Variants in CCDC3 observed in about 807,000 individuals in gnomAD.
CCDC3 encodes coiled-coil domain containing 3.
Under a neutral mutation model 21.4 loss-of-function variants are expected in CCDC3, and 24 were observed. The ratio of observed to expected loss-of-function variants is 1.12; its 90% CI spans 0.81 to 1.58. The LOEUF is 1.58. CCDC3 is among the 40% of genes most tolerant of loss of function. The pLI is 0.00. For missense variants in CCDC3, 425 were observed against 360.9 expected, an observed-to-expected ratio of 1.18 and a Z score of -1.44; for synonymous variants, 186 against 166.0, an observed-to-expected ratio of 1.12 and a Z score of -0.93.
intron 2 of CCDC3, among the ~76,000 whole-genome samples, chr10:12,979,568 C>T (rs1315984934): frequency 1.3e-5 from 2 of 151,940 alleles, no homozygotes; most frequent in Non-Finnish European, 2.9e-5. Flanking sequence ...GAGACAGGGT[C>T]TTGCTGTTGC....
chr10:12,986,407 A>G (rs971829148), intron 2 of CCDC3, among the ~76,000 whole-genome samples: 3 of 152,150 alleles, frequency 2.0e-5, no homozygotes, highest in Admixed American at 6.6e-5. Flanking sequence ...GGTGCCTGGG[A>G]CCCGTCTGTA....
chr10:13,012,198 G>A (rs1184638734), intron 5 of CCDC3, among the ~76,000 whole-genome samples: 1 of 152,144 alleles, frequency 6.6e-6, no homozygotes, highest in Non-Finnish European at 1.5e-5. Flanking sequence ...ATTGACAAAT[G>A]AGACCTAACT....
intron 5 of CCDC3, among the ~76,000 whole-genome samples, chr10:13,007,667 C>T (rs1432917509): frequency 2.0e-5 from 3 of 152,108 alleles, no homozygotes; most frequent in Non-Finnish European, 2.9e-5. Context: ...AATGGAGCTA[C>T]CCTCTCTTAA....
chr10:12,996,308 CTG>C (rs1835760936), intron 2 of CCDC3, among the ~76,000 whole-genome samples: 1 of 152,160 alleles, frequency 6.6e-6, no homozygotes, highest in African/African-American at 2.4e-5. Context: ...GTCTAGACTG[CTG>C]TCAGTAGGGC....
chr10:12,904,775 G>A (rs915305490), intron 2 of CCDC3, among the ~76,000 whole-genome samples: 4 of 152,132 alleles, frequency 2.6e-5, no homozygotes, highest in African/African-American at 9.7e-5. Context: ...GTATATCCAT[G>A]ATACCATCTA....
rs1834047054 is a variant in CCDC3 at position 12,898,622 on chromosome 10, G to A, written c.607C>T (p.Leu203=). 13 of 1,614,238 alleles carry A rather than the reference G, an allele frequency of 8.1e-6. No homozygotes were observed. The highest frequency in any genetic ancestry group is 1.3e-5 in the African/African-American group (1 of 75,076). ...TCCAGGGTGGCCACTTTCTGCTGCA[G>A]TTTCTTGACGTGGTCCTCCTCCTCA... ...LFEEEDHVKK[L]QQKVATLEKR... Residue 203 remains leucine (L), a synonymous_variant, in exon 3 of 3, where the codon CTG becomes TTG. Transcript: ENST00000378825.
Position 12,999,232 on chromosome 10 carries a change from C to T in CCDC3, c.375-720G>A, listed in dbSNP as rs866233185. Among the ~76,000 whole-genome samples, 38 of 152,112 alleles carry T rather than the reference C, an allele frequency of 2.5e-4. No homozygotes were observed. The Middle Eastern group carries it at 0.01, about 41-fold the overall frequency. ...TCCAGCCTGGGTGACAAGAGTGAGA[C>T]GCCATCTCAAAAAAAGAACATATAT... On this transcript the variant is annotated intron_variant, in intron 1 of 2. Coordinates refer to ENST00000378825, the MANE Select transcript of CCDC3 (RefSeq NM_031455.4).
chr10:12,916,244 C>T lies in CCDC3; in HGVS notation c.550-17565G>A, dbSNP rs184062066. Among the ~76,000 whole-genome samples the T allele has an allele frequency of 1.4e-3, 207 of 152,112 alleles. 2 individuals carry two copies. In the South Asian group the frequency reaches 0.033, roughly 24 times the overall value. On this transcript the variant is annotated intron_variant, in intron 2 of 2. Transcript: ENST00000378825. Reference sequence around the variant, plus strand: ...GGCAGGCGATTGAGACCAGCCTGGCCAACATGGTGAAACCCCGTCTCTACT... The same window carrying T: ...GGCAGGCGATTGAGACCAGCCTGGCTAACATGGTGAAACCCCGTCTCTACT...
chr10:13,049,708 G>T (rs1411538961), exon 5 of CCDC3: 1 of 152,196 alleles, frequency 6.6e-6, no homozygotes, highest in East Asian at 1.9e-4. Context: ...AAATGTGATG[G>T]AAATAGACTC....
At chr10:13,088,781 G>C (rs183401547) in intron 3 of CCDC3, among the ~76,000 whole-genome samples, 1 of 152,298 alleles carries the variant, frequency 6.6e-6, no homozygotes, top group South Asian at 2.1e-4. Flanking sequence ...CCAGCACTTC[G>C]GGAGGCCAAG....
At chr10:12,916,627 A>G (rs1254238055) in intron 2 of CCDC3, among the ~76,000 whole-genome samples, 2 of 151,846 alleles carry the variant, frequency 1.3e-5, no homozygotes, top group African/African-American at 2.4e-5. Flanking sequence ...CTCAGAAAAA[A>G]AAAAAAATTG....
At chr10:12,932,862 TCTC>T (rs1834670875) in intron 2 of CCDC3, among the ~76,000 whole-genome samples, 1 of 152,208 alleles carries the variant, frequency 6.6e-6, no homozygotes, top group South Asian at 2.1e-4. Flanking sequence ...CTGATAGTTT[TCTC>T]ATTAACAGGT....
intron 5 of CCDC3, among the ~76,000 whole-genome samples, chr10:13,008,722 T>C (rs529495849): frequency 5.6e-4 from 85 of 152,348 alleles, no homozygotes; most frequent in African/African-American, 1.2e-3. Context: ...TAGAAATATA[T>C]GTTATATGCT....
chr10:12,970,794 G>A (rs1288275337), intron 2 of CCDC3, among the ~76,000 whole-genome samples: 13 of 151,938 alleles, frequency 8.6e-5, no homozygotes, highest in Admixed American at 7.2e-4. Flanking sequence ...GTTGAGTGAG[G>A]CAGGAGAATC....
chr10:13,071,243 C>G (rs1285426513), intron 4 of CCDC3, among the ~76,000 whole-genome samples: 3 of 152,136 alleles, frequency 2.0e-5, no homozygotes, highest in African/African-American at 7.2e-5. Flanking sequence ...TGGAGGAGGA[C>G]TCAATTCCAC....
chr10:12,934,722 T>G (rs1834707560), intron 2 of CCDC3, among the ~76,000 whole-genome samples: 1 of 152,192 alleles, frequency 6.6e-6, no homozygotes, highest in African/African-American at 2.4e-5. Flanking sequence ...TACCTTTTCT[T>G]GCTCTGAAGT....
At chr10:12,961,128 G>A (rs994662058) in intron 2 of CCDC3, among the ~76,000 whole-genome samples, 1 of 152,204 alleles carries the variant, frequency 6.6e-6, no homozygotes, top group Non-Finnish European at 1.5e-5. Flanking sequence ...AGTGCTGCGT[G>A]AGCACCGGCT....
At chr10:12,991,657 C>T (rs781732753) in intron 2 of CCDC3, among the ~76,000 whole-genome samples, 1 of 152,088 alleles carries the variant, frequency 6.6e-6, no homozygotes, top group African/African-American at 2.4e-5. Flanking sequence ...CTTAATGGAG[C>T]CAGTCAGATA....
rs551400857 is a variant in CCDC3 at position 13,030,161 on chromosome 10, G to A, written c.-2+19513C>T. On this transcript the variant is annotated intron_variant, in intron 5 of 6. Transcript: ENST00000378839. The stretch of plus-strand genomic sequence containing the variant: ...AGATCTCTCAGCAGAAACTCTACAA[G>A]CCAGAAGAGAGTGGGAGCTAACATT... Among the ~76,000 whole-genome samples the A allele has an allele frequency of 1.7e-4, 26 of 152,320 alleles. No homozygotes were observed. The Middle Eastern group carries it at 0.01, about 60-fold the overall frequency.
Sources: allele counts gnomAD v4.1 joint callset (sites outside exome capture counted in the v4.1 genomes callset), GRCh38; gene constraint gnomAD v4.1.1; transcripts MANE v1.5; gene names NCBI Gene and HGNC (gene_info 2026-07-23, HGNC 2026-07-21).